Variants in ALS2 observed in about 807,000 individuals in gnomAD.
ALS2 encodes alsin.
In ALS2, 117 loss-of-function variants were observed where a neutral mutation model predicts 203.4. The observed-to-expected ratio is 0.58, with a 90% CI of 0.50 to 0.67. The LOEUF (loss-of-function observed/expected upper bound fraction) is 0.67, where lower values mean the gene tolerates loss of function less well. Among genes scored for constraint, ALS2 ranks in the 30% least tolerant of loss-of-function variants. The probability of loss-of-function intolerance (pLI) is 0.00; values close to 1 mark genes in which losing one functional copy is unlikely to be tolerated. For missense variants in ALS2, 1,715 were observed against 1,989.4 expected (o/e 0.86, Z 2.62); for synonymous variants, 718 against 725.9 (o/e 0.99, Z 0.17).
intron 1 of ALS2, among the ~76,000 whole-genome samples, chr2:201,776,047 A>G (rs1392867470): frequency 1.3e-5 from 2 of 152,168 alleles, no homozygotes; most frequent in East Asian, 1.9e-4. Context: ...CACGCTATAG[A>G]TTTCTAGTGC....
intron 3 of ALS2, chr2:201,762,666 A>T (rs1001778546): frequency 2.6e-5 from 4 of 152,236 alleles, no homozygotes; most frequent in African/African-American, 9.7e-5. Context: ...TATGTACTAG[A>T]TACTAGCTAG....
chr2:201,749,323 C>T (rs559112016), intron 8 of ALS2, among the ~76,000 whole-genome samples: 1 of 151,766 alleles, frequency 6.6e-6, no homozygotes, highest in Non-Finnish European at 1.5e-5. Flanking sequence ...TAAATGCACA[C>T]ACAAAATTAC....
chr2:201,762,301 A>G (rs1301310207), intron 3 of ALS2, among the ~76,000 whole-genome samples: 5 of 152,242 alleles, frequency 3.3e-5, no homozygotes, highest in African/African-American at 9.6e-5. Context: ...TTAGCGATTC[A>G]TTTTGGCCAA....
In ALS2 at chr2:201,733,326, G is replaced by C. The variant is rs745536009; in HGVS notation, c.2530C>G (p.Leu844Val). Residue 844 changes from leucine (L) to valine (V), a missense_variant, in exon 13 of 34, where the codon CTT becomes GTT. Coordinates refer to ENST00000264276, the MANE Select transcript of ALS2 (RefSeq NM_020919.4). The stretch of plus-strand genomic sequence containing the variant: ...AGCAAAACTTTTGCGTAATTATGAA[G>C]TCGTCTGATTGGCAAGAAAAACAAA... ...NTLFFLPIRR[L>V]HNYAKVLLKL... 30 of 1,613,870 alleles carry C rather than the reference G, an allele frequency of 1.9e-5. No homozygotes were observed. Among genetic ancestry groups the C allele is most frequent in the Non-Finnish European group, 2.5e-5 (30 of 1,179,914 alleles).
chr2:201,779,811 T>C (rs1299270785), intron 1 of ALS2, among the ~76,000 whole-genome samples: 1 of 152,200 alleles, frequency 6.6e-6, no homozygotes, highest in Non-Finnish European at 1.5e-5. Flanking sequence ...AAGCCTAGAA[T>C]CTTAACCACT....
rs773125812 is a variant in ALS2, at chr2:201,746,709, T to C, written c.1855A>G (p.Arg619Gly). 1.2e-5 allele frequency: 20 copies of C among 1,614,174 alleles called. No individual in the cohort carries two copies. The highest frequency in any genetic ancestry group is 1.7e-5 in the Non-Finnish European group (20 of 1,180,036). The change falls in exon 9 of 34, where the codon AGG becomes GGG. Residue 619 changes from arginine (R) to glycine (G), a missense_variant. Arg to Gly is a moderately radical substitution (Grantham distance 125). This residue lies in a region of ALS2 where 1,227 missense variants were observed against 1,413.5 expected (regional missense o/e 0.87). Transcript: ENST00000264276. ...ENGVWSIAAG[R>G]DYSLFLVDTE... is the part of the protein sequence containing the mutation. ...TCCACTAAAAACAGGGAATAATCCC[T>C]GCCTGCAGCTATGCTCCAGACTCCA...
intron 21 of ALS2, 95 bp from the exon 22 acceptor site, chr2:201,723,536 T>G: frequency 9.5e-7 from 1 of 1,055,462 alleles, no homozygotes; most frequent in Non-Finnish European, 1.5e-6. Context: ...GCATCAACCC[T>G]AGGTTGGTAT....
At chr2:201,752,213 T>C (rs1194350032) in intron 7 of ALS2, among the ~76,000 whole-genome samples, 1 of 152,168 alleles carries the variant, frequency 6.6e-6, no homozygotes, top group Non-Finnish European at 1.5e-5. Context: ...AAATAAAACC[T>C]CTCACTTTAC....
At chr2:201,735,481 GCAT>G (rs1313734124) in intron 12 of ALS2, among the ~76,000 whole-genome samples, 1 of 152,206 alleles carries the variant, frequency 6.6e-6, no homozygotes, top group African/African-American at 2.4e-5. Flanking sequence ...AAGTGCTTGT[GCAT>G]CATCATCCAA....
At position 201,727,688 on chromosome 2, in the gene ALS2, A is replaced by AGGGGGGGGGGT; in HGVS notation, c.2912+16_2912+17insACCCCCCCCCC. On this transcript the variant is annotated intron_variant, in intron 16 of 33. Transcript: ENST00000264276. ...CAGACTTGGACGGGGTGGGGTGGGG[A>AGGGGGGGGGGT]GGGGGGACGCACTTACACACCACCA... 1 of 1,090,040 alleles carries AGGGGGGGGGGT rather than the reference A, an allele frequency of 9.2e-7. No homozygotes were observed. The highest frequency in any genetic ancestry group is 1.3e-6 in the Non-Finnish European group (1 of 793,196). The allele number at this position is 1,090,040 out of a possible 1,614,324, so 67.5% of individuals were successfully genotyped here.
rs1693765324 is a variant in ALS2, at chr2:201,761,477, C to A, written c.517G>T (p.Ala173Ser). The stretch of plus-strand genomic sequence containing the variant: ...CCCAACTGACAACCGGTACCCCATG[C>A]CCAAATCTCTCTGCTTATTGACAAT... ...LALSISREIW[A>S]WGTGCQLGLI... Residue 173 changes from alanine to serine, a missense_variant, in exon 4 of 34, where the codon GCA becomes TCA. Transcript: ENST00000264276. The A allele has an allele frequency of 1.9e-6, 3 of 1,609,292 alleles. No individual in the cohort carries two copies. The highest frequency in any genetic ancestry group is 2.6e-6 in the Non-Finnish European group (3 of 1,176,080).
At chr2:201,734,040 G>T (rs1003689138) in intron 12 of ALS2, among the ~76,000 whole-genome samples, 1 of 152,082 alleles carries the variant, frequency 6.6e-6, no homozygotes, top group African/African-American at 2.4e-5. Context: ...ATCTTCAAAA[G>T]CATTTCAAAC....
chr2:201,755,663 A>C (rs1206127169), intron 5 of ALS2, among the ~76,000 whole-genome samples: 10 of 152,224 alleles, frequency 6.6e-5, no homozygotes, highest in African/African-American at 2.4e-4. Flanking sequence ...ATAAAATGTA[A>C]ACATTTCTGA....
At chr2:201,778,684 G>A (rs919191161) in intron 1 of ALS2, among the ~76,000 whole-genome samples, 1 of 152,058 alleles carries the variant, frequency 6.6e-6, no homozygotes, top group Non-Finnish European at 1.5e-5. Context: ...ATCAATGAAG[G>A]GTTAAGAGAA....
chr2:201,710,147 A>G (rs1689948452), intron 26 of ALS2, 109 bp from the exon 27 acceptor site: 3 of 1,369,066 alleles, frequency 2.2e-6, no homozygotes, highest in Non-Finnish European at 3.1e-6. Flanking sequence ...AAATGTCAAG[A>G]GTCAATTTTG....
intron 1 of ALS2, among the ~76,000 whole-genome samples, chr2:201,779,101 G>A (rs558338827): frequency 1.3e-5 from 2 of 152,252 alleles, no homozygotes; most frequent in African/African-American, 4.8e-5. Context: ...GAAGTTCTTA[G>A]CATACCCTTT....
chr2:201,724,982 G>A (rs1004689887), intron 20 of ALS2, among the ~76,000 whole-genome samples: 2 of 151,852 alleles, frequency 1.3e-5, no homozygotes, highest in East Asian at 1.9e-4. Context: ...GTGTGGTGGC[G>A]GGCGCCTGGA....
At chr2:201,738,638 G>A in intron 12 of ALS2, 32 bp downstream of exon 12, 1 of 1,597,620 alleles carries the variant, frequency 6.3e-7, no homozygotes, top group Non-Finnish European at 8.6e-7. Context: ...TTGGCGGAGA[G>A]AATGATAACT....
chr2:201,773,804 C>T (rs57427007), intron 1 of ALS2, among the ~76,000 whole-genome samples: 18,949 of 152,108 alleles, frequency 0.12, 1,443 homozygotes, highest in African/African-American at 0.21. Flanking sequence ...GGATGAGGAT[C>T]GGACAAAGAG....
Sources: allele counts gnomAD v4.1 joint callset (sites outside exome capture counted in the v4.1 genomes callset), GRCh38; gene constraint gnomAD v4.1.1; regional missense constraint gnomAD v4.1.1; transcripts MANE v1.5; gene names NCBI Gene and HGNC (gene_info 2026-07-23, HGNC 2026-07-21).